Variants in FNDC3A observed in about 807,000 individuals in gnomAD.
The protein encoded by FNDC3A is fibronectin type-III domain-containing protein 3A.
FNDC3A carries 32 observed loss-of-function variants against 148.9 expected under a neutral mutation model. The observed-to-expected ratio is 0.21, with a 90% confidence interval of 0.16 to 0.29. The LOEUF (loss-of-function observed/expected upper bound fraction) is 0.29, where lower values mean the gene tolerates loss of function less well. Among genes scored for constraint, FNDC3A ranks in the 10% least tolerant of loss-of-function variants. The pLI, the probability that FNDC3A is intolerant of heterozygous loss-of-function variation, is 1.00. For missense variants in FNDC3A, 1,191 were observed against 1,452.8 expected, an observed-to-expected ratio of 0.82 and a Z score of 2.93; for synonymous variants, 472 against 473.6, an observed-to-expected ratio of 1.00 and a Z score of 0.04.
chr13:49,105,480 A>G (rs1236458445), intron 3 of FNDC3A, among the ~76,000 whole-genome samples: 1 of 152,346 alleles, frequency 6.6e-6, no homozygotes, highest in East Asian at 1.9e-4. Flanking sequence ...GATGTCATCC[A>G]GTCTCATGGA....
chr13:49,137,822 C>A (rs1486094967), intron 6 of FNDC3A, among the ~76,000 whole-genome samples: 1 of 152,112 alleles, frequency 6.6e-6, no homozygotes, highest in East Asian at 1.9e-4. Flanking sequence ...TATGTATGTT[C>A]TTTTAGGTTT....
chr13:49,028,801 C>T (rs1024622001), intron 2 of FNDC3A, among the ~76,000 whole-genome samples: 3 of 152,110 alleles, frequency 2.0e-5, no homozygotes, highest in Non-Finnish European at 2.9e-5. Context: ...TTGGAGCCTT[C>T]AATAGGTAGA....
At chr13:49,176,902 G>A (rs1885059439) in intron 13 of FNDC3A, among the ~76,000 whole-genome samples, 1 of 152,152 alleles carries the variant, frequency 6.6e-6, no homozygotes. Flanking sequence ...CTGGGCTCAG[G>A]CAATCCTTTC....
At chr13:49,162,862 C>T (rs968394823) in intron 8 of FNDC3A, among the ~76,000 whole-genome samples, 5 of 151,874 alleles carry the variant, frequency 3.3e-5, no homozygotes. Context: ...TTCTAACAGT[C>T]AGGTCCCTCA....
chr13:49,185,346 A>G (rs1022727313), intron 14 of FNDC3A, among the ~76,000 whole-genome samples: 3 of 152,144 alleles, frequency 2.0e-5, no homozygotes, highest in South Asian at 2.1e-4. Flanking sequence ...CAGGGTCTCT[A>G]TGAGGTTGTA....
At chr13:48,977,520 A>G (rs974445917) in intron 1 of FNDC3A, among the ~76,000 whole-genome samples, 1 of 152,216 alleles carries the variant, frequency 6.6e-6, no homozygotes. Flanking sequence ...GTCACCCACA[A>G]ATGTTCAAGT....
chr13:49,111,950 C>A (rs1880606313), intron 3 of FNDC3A, among the ~76,000 whole-genome samples: 1 of 151,872 alleles, frequency 6.6e-6, no homozygotes, highest in African/African-American at 2.4e-5. Flanking sequence ...TCTTGTATTA[C>A]CAAATTATAA....
intron 2 of FNDC3A, among the ~76,000 whole-genome samples, chr13:49,013,514 G>A (rs894933470): frequency 6.6e-6 from 1 of 151,240 alleles, no homozygotes; most frequent in African/African-American, 2.4e-5. Context: ...GTATACATAT[G>A]TACACGTGTA....
At position 49,135,013 on chromosome 13, in the gene FNDC3A, G is replaced by T. The variant is rs567195041; in HGVS notation, c.491-1319G>T. 1.4e-4 allele frequency among the ~76,000 whole-genome samples: 21 copies of T among 151,226 alleles called. No homozygotes were observed. In the South Asian group the frequency reaches 4.4e-3, roughly 32 times the overall value. ...TGGGATTACAGGTGCGCGCCACCAC[G>T]CCCGGCTAATTTTTTGTATTTTTAG... On this transcript the variant is annotated intron_variant, in intron 5 of 25. Coordinates refer to ENST00000492622, the MANE Select transcript of FNDC3A (RefSeq NM_001079673.2).
In FNDC3A at chr13:49,192,232, T is replaced by C. The variant is rs373538742; in HGVS notation, c.2226+848T>C. 1.7e-4 allele frequency among the ~76,000 whole-genome samples: 26 copies of C among 152,344 alleles called. No homozygotes were observed. The South Asian group carries it at 5.4e-3, about 32-fold the overall frequency. On this transcript the variant is annotated intron_variant, in intron 19 of 25. Transcript: ENST00000492622. ...CCCATTATTTTGGTGAACTATACTA[T>C]ATTTCAAATCCTGTTTTCCAACAGG...
At chr13:49,179,309 G>A (rs974613859) in intron 14 of FNDC3A, among the ~76,000 whole-genome samples, 7 of 152,150 alleles carry the variant, frequency 4.6e-5, no homozygotes, top group Non-Finnish European at 8.8e-5. Context: ...ATATCAAGTG[G>A]TGTATAATTT....
chr13:49,076,883 A>G (rs1374512959), intron 3 of FNDC3A, among the ~76,000 whole-genome samples: 1 of 152,222 alleles, frequency 6.6e-6, no homozygotes, highest in East Asian at 1.9e-4. Flanking sequence ...GCTAAAGTCT[A>G]AGCACTTTGG....
At chr13:49,005,491 AAT>A (rs940014132) in intron 1 of FNDC3A, among the ~76,000 whole-genome samples, 63 of 137,126 alleles carry the variant, frequency 4.6e-4, no homozygotes, top group African/African-American at 1.5e-3. Context: ...AAGATTTGTA[AAT>A]ATATGTTTTT....
chr13:49,112,718 C>T (rs921433640), intron 3 of FNDC3A, among the ~76,000 whole-genome samples: 6 of 152,104 alleles, frequency 3.9e-5, no homozygotes, highest in African/African-American at 1.2e-4. Flanking sequence ...GGGAGCTTAA[C>T]CTCTCTGTGC....
At chr13:49,092,412 T>G (rs1276011573) in intron 3 of FNDC3A, among the ~76,000 whole-genome samples, 1 of 152,228 alleles carries the variant, frequency 6.6e-6, no homozygotes, top group Non-Finnish European at 1.5e-5. Context: ...ACAGTCTCTC[T>G]TTTTCCATTT....
intron 13 of FNDC3A, 116 bp downstream of exon 13, chr13:49,175,657 A>G: frequency 4.9e-6 from 3 of 612,448 alleles, no homozygotes; most frequent in Non-Finnish European, 8.2e-6. Flanking sequence ...GCAAATAGAG[A>G]CAATTTGACT....
intron 1 of FNDC3A, among the ~76,000 whole-genome samples, chr13:48,978,876 A>G (rs1357481076): frequency 6.6e-6 from 1 of 152,154 alleles, no homozygotes; most frequent in Non-Finnish European, 1.5e-5. Flanking sequence ...ATTAATGTTG[A>G]AAGGCAAATT....
At chr13:49,088,657 C>A (rs1453251896) in intron 3 of FNDC3A, among the ~76,000 whole-genome samples, 1 of 152,124 alleles carries the variant, frequency 6.6e-6, no homozygotes, top group Non-Finnish European at 1.5e-5. Flanking sequence ...CTCTTGATTG[C>A]CCTTCTACAG....
At chr13:49,050,327 T>G (rs1240454554) in intron 2 of FNDC3A, among the ~76,000 whole-genome samples, 1 of 152,228 alleles carries the variant, frequency 6.6e-6, no homozygotes, top group Non-Finnish European at 1.5e-5. Context: ...CCCAGAGGTT[T>G]TGATAGGTTG....
Sources: allele counts gnomAD v4.1 joint callset (sites outside exome capture counted in the v4.1 genomes callset), GRCh38; gene constraint gnomAD v4.1.1; transcripts MANE v1.5; gene names NCBI Gene and HGNC (gene_info 2026-07-23, HGNC 2026-07-21).